The following SLX4IP variants were observed in gnomAD, a reference collection of about 807,000 sequenced individuals.
SLX4IP encodes the protein SLX4 interacting protein.
SLX4IP carries 34 observed loss-of-function variants against 32.9 expected under a neutral mutation model. The observed-to-expected ratio is 1.03, with a 90% CI of 0.79 to 1.38. The LOEUF (loss-of-function observed/expected upper bound fraction) is 1.38, where lower values mean the gene tolerates loss of function less well. SLX4IP is among the 40% of genes most tolerant of loss of function. SLX4IP has a pLI of 0.00. For synonymous variants in SLX4IP, 172 were observed against 171.7 expected (o/e 1.00, Z -0.01); for missense variants, 444 against 479.0 (o/e 0.93, Z 0.68).
chr20:10,552,408 CTT>C (rs1373438188), intron 2 of SLX4IP, among the ~76,000 whole-genome samples: 1 of 142,482 alleles, frequency 7.0e-6, no homozygotes. Context: ...TTTTTTTTTT[CTT>C]TTTTTTTTTC....
chr20:10,471,181 C>G (rs1420145231), intron 2 of SLX4IP, among the ~76,000 whole-genome samples: 1 of 152,106 alleles, frequency 6.6e-6, no homozygotes, highest in Admixed American at 6.6e-5. Flanking sequence ...AGGGACTTGG[C>G]CTTGACTTAT....
chr20:10,472,319 C>T (rs937427075), intron 2 of SLX4IP, among the ~76,000 whole-genome samples: 1 of 151,890 alleles, frequency 6.6e-6, no homozygotes, highest in Non-Finnish European at 1.5e-5. Flanking sequence ...CAACCTGTGC[C>T]TCCCAGGTTC....
intron 3 of SLX4IP, among the ~76,000 whole-genome samples, 153 bp from the exon 4 acceptor site, chr20:10,560,547 G>A: frequency 6.6e-6 from 1 of 152,170 alleles, no homozygotes; most frequent in East Asian, 1.9e-4. Flanking sequence ...AATTTGCGGT[G>A]TTATTCATGA....
intron 4 of SLX4IP, among the ~76,000 whole-genome samples, chr20:10,594,451 G>GT (rs1193725301): frequency 6.6e-6 from 1 of 152,184 alleles, no homozygotes; most frequent in Admixed American, 6.5e-5. Flanking sequence ...CGTAATAGCT[G>GT]TGGGAGAGGA....
chr20:10,613,694 A>G (rs2122562770), intron 6 of SLX4IP: 1 of 1,613,464 alleles, frequency 6.2e-7, no homozygotes. Context: ...CAAAGGCGTT[A>G]TAGGATGGGA....
intron 2 of SLX4IP, among the ~76,000 whole-genome samples, chr20:10,502,221 G>A (rs1466698): frequency 0.16 from 24,015 of 152,150 alleles, 2,028 homozygotes; most frequent in African/African-American, 0.18. Context: ...GCATTTCTGT[G>A]TAGGAAGTGG....
intron 6 of SLX4IP, among the ~76,000 whole-genome samples, chr20:10,604,263 G>T (rs954308190): frequency 6.6e-6 from 1 of 152,246 alleles, no homozygotes; most frequent in Non-Finnish European, 1.5e-5. Flanking sequence ...AACTTCAGTT[G>T]TTTTTGTATA....
intron 6 of SLX4IP, among the ~76,000 whole-genome samples, chr20:10,604,069 CCTGTGAGTATTCCCTGGACTTG>C (rs2066874283): frequency 6.6e-6 from 1 of 152,192 alleles, no homozygotes; most frequent in Non-Finnish European, 1.5e-5. Context: ...ATGTCAGGCT[CCTGTGAGTATTCCCTGGACTTG>C]CTTCAAGCTT....
intron 2 of SLX4IP, among the ~76,000 whole-genome samples, chr20:10,539,984 A>T (rs2066085391): frequency 6.6e-6 from 1 of 152,170 alleles, no homozygotes; most frequent in African/African-American, 2.4e-5. Flanking sequence ...GTCTGTTAGT[A>T]ACGCACATTC....
Position 10,546,394 on chromosome 20 carries a change from C to T in SLX4IP, c.28-9837C>T, listed in dbSNP as rs1027829902. 2.6e-5 allele frequency among the ~76,000 whole-genome samples: 4 copies of T among 152,116 alleles called. No individual in the cohort carries two copies. The South Asian group carries it at 6.2e-4, about 24-fold the overall frequency. On this transcript the variant is annotated intron_variant, in intron 2 of 7. Transcript: ENST00000334534. ...AAGCAGTGTGTGGCCGGAGTAAAAC[C>T]GTGCAGAAGAATTATGAGGCATTTA...
intron 4 of SLX4IP, among the ~76,000 whole-genome samples, chr20:10,562,177 T>C (rs572046776): frequency 1.3e-5 from 2 of 152,326 alleles, no homozygotes; most frequent in African/African-American, 2.4e-5. Flanking sequence ...GCCCTCTGCC[T>C]TATCTCAAGG....
intron 1 of SLX4IP, among the ~76,000 whole-genome samples, chr20:10,455,176 G>A (rs902568651): frequency 4.6e-5 from 7 of 151,844 alleles, no homozygotes; most frequent in African/African-American, 1.7e-4. Flanking sequence ...TTTCTATTCT[G>A]TGTATTATCT....
intron 6 of SLX4IP, among the ~76,000 whole-genome samples, chr20:10,609,394 C>A (rs761840184): frequency 4.6e-5 from 7 of 152,198 alleles, no homozygotes; most frequent in Non-Finnish European, 8.8e-5. Context: ...CTGTTACTAT[C>A]ATGAGCTCTG....
chr20:10,535,014 C>T (rs944416608), intron 2 of SLX4IP, among the ~76,000 whole-genome samples: 4 of 152,072 alleles, frequency 2.6e-5, no homozygotes, highest in African/African-American at 9.7e-5. Flanking sequence ...AGTGGAAGGC[C>T]CCTCCAAAGG....
intron 1 of SLX4IP, among the ~76,000 whole-genome samples, chr20:10,456,415 C>T (rs1241524993): frequency 6.6e-6 from 1 of 152,128 alleles, no homozygotes; most frequent in Non-Finnish European, 1.5e-5. Flanking sequence ...GATTTTGGCT[C>T]ACTGCAACCT....
At position 10,623,477 on chromosome 20, in the gene SLX4IP, TTAGAATGACTAATTTAAA is replaced by T. The variant is rs2067141058; in HGVS notation, c.*102_*119del. On this transcript the variant is annotated 3_prime_UTR_variant, in exon 8 of 8. Transcript: ENST00000334534. ...GATGCCGGGATTTTAAAGGAATTAA[TTAGAATGACTAATTTAAA>T]TAGGAAGTGTGTTATCTGTGTTATG... The T allele has an allele frequency of 6.9e-7, 1 of 1,455,642 alleles. No individual in the cohort carries two copies. The highest frequency in any genetic ancestry group is 1.4e-5 in the South Asian group (1 of 70,412). The allele number at this position is 1,455,642 out of a possible 1,614,324, so 90.2% of individuals were successfully genotyped here.
intron 2 of SLX4IP, among the ~76,000 whole-genome samples, chr20:10,525,055 A>G (rs2065930148): frequency 6.6e-6 from 1 of 152,210 alleles, no homozygotes. Context: ...TAGAGAAAAA[A>G]GTTCCTAGCA....
chr20:10,498,363 T>C (rs2065687358), intron 2 of SLX4IP, among the ~76,000 whole-genome samples: 1 of 152,012 alleles, frequency 6.6e-6, no homozygotes. Flanking sequence ...TCCCACCCAG[T>C]GTGGCCTCAG....
At chr20:10,488,639 T>C (rs2065593992) in intron 2 of SLX4IP, among the ~76,000 whole-genome samples, 1 of 152,258 alleles carries the variant, frequency 6.6e-6, no homozygotes, top group Admixed American at 6.5e-5. Context: ...AATAACAGTA[T>C]TGGGGTAGAT....
Sources: allele counts gnomAD v4.1 joint callset (sites outside exome capture counted in the v4.1 genomes callset), GRCh38; gene constraint gnomAD v4.1.1; transcripts MANE v1.5; gene names NCBI Gene and HGNC (gene_info 2026-07-23, HGNC 2026-07-21).